The following CHST15 variants were observed in gnomAD, a reference collection of about 807,000 sequenced individuals.
CHST15 encodes the protein B cell RAG associated protein (GALNAC4S-6ST).
CHST15 carries 30 observed loss-of-function variants against 53.6 expected under a neutral mutation model. The ratio of observed to expected loss-of-function variants is 0.56; its 90% CI spans 0.42 to 0.76. The LOEUF (loss-of-function observed/expected upper bound fraction) is 0.76. Ranked by LOEUF, CHST15 falls within the 30% of genes least tolerant of loss-of-function variation. The pLI is 0.00. For synonymous variants in CHST15, 296 were observed against 289.8 expected, an observed-to-expected ratio of 1.02 and a Z score of -0.22; for missense variants, 627 against 740.5, an observed-to-expected ratio of 0.85 and a Z score of 1.78.
chr10:124,033,570 C>T (rs1947308895), intron 5 of CHST15, among the ~76,000 whole-genome samples: 1 of 152,248 alleles, frequency 6.6e-6, no homozygotes, highest in Admixed American at 6.5e-5. Flanking sequence ...GGATTTCACA[C>T]TCATGACTAG....
chr10:124,068,745 C>T (rs28479773), intron 1 of CHST15, among the ~76,000 whole-genome samples: 4,195 of 152,152 alleles, frequency 0.028, 265 homozygotes, highest in East Asian at 0.21. Context: ...TCATCACCTG[C>T]CTTAATATCC....
intron 3 of CHST15, among the ~76,000 whole-genome samples, chr10:124,042,843 C>G (rs1463148068): frequency 6.6e-6 from 1 of 152,092 alleles, no homozygotes; most frequent in African/African-American, 2.4e-5. Context: ...TTGTGTCAAA[C>G]AGGGAGAGAG....
chr10:124,028,339 G>A (rs755195652), intron 5 of CHST15, among the ~76,000 whole-genome samples: 25 of 152,144 alleles, frequency 1.6e-4, no homozygotes, highest in Admixed American at 4.6e-4. Context: ...GTTGTTCATC[G>A]GCCTGGCCTC....
intron 1 of CHST15, among the ~76,000 whole-genome samples, chr10:124,057,546 G>C (rs1014074171): frequency 3.3e-5 from 5 of 152,168 alleles, no homozygotes; most frequent in Admixed American, 6.5e-5. Context: ...TGAACAGCCT[G>C]GGTCCTCTGG....
In CHST15 at chr10:124,054,254, C is replaced by T. The variant is rs893911570; in HGVS notation, c.-512-7530G>A. The stretch of plus-strand genomic sequence containing the variant: ...CACATCACCCGTGCTTTGTCTAAAA[C>T]AGGTATTCTCAAACCACAACCTGAG... On this transcript the variant is annotated intron_variant, in intron 1 of 7. Coordinates refer to ENST00000435907, the MANE Select transcript of CHST15 (RefSeq NM_001270764.2). 3.3e-5 allele frequency among the ~76,000 whole-genome samples: 5 copies of T among 152,228 alleles called. No individual in the cohort carries two copies. In the East Asian group the frequency reaches 9.6e-4, roughly 29 times the overall value.
At chr10:124,038,850 C>T (rs568908258) in intron 4 of CHST15, among the ~76,000 whole-genome samples, 179 bp from the exon 5 acceptor site, 1 of 152,038 alleles carries the variant, frequency 6.6e-6, no homozygotes, top group Admixed American at 6.5e-5. Context: ...ATGCCCCCCC[C>T]TGCCACAGCC....
chr10:124,075,502 G>A (rs961409230), intron 1 of CHST15, among the ~76,000 whole-genome samples: 2 of 152,168 alleles, frequency 1.3e-5, no homozygotes, highest in South Asian at 2.1e-4. Flanking sequence ...TGTACAAACC[G>A]AGGACAAAGG....
chr10:124,027,763 G>T (rs1013443326), intron 5 of CHST15, among the ~76,000 whole-genome samples: 1 of 152,206 alleles, frequency 6.6e-6, no homozygotes, highest in African/African-American at 2.4e-5. Flanking sequence ...ACACTAGAGA[G>T]GTTAAGGAGT....
rs1012351695 is a variant in CHST15, at chr10:124,073,863, C to T, written c.-513+19606G>A. Among the ~76,000 whole-genome samples the T allele has an allele frequency of 5.9e-5, 9 of 152,164 alleles. No homozygotes were observed. The South Asian group carries it at 6.2e-4, about 11-fold the overall frequency. On this transcript the variant is annotated intron_variant, in intron 1 of 7. Transcript: ENST00000435907. ...TTTTACGACCCGCCTCTCAGTCAGA[C>T]GGCTAATGACCTCCAGTTGCCAGGT... is the stretch of plus-strand genomic sequence containing the variant.
intron 6 of CHST15, 99 bp downstream of exon 6, chr10:124,021,157 G>A (rs772184187): frequency 5.3e-6 from 8 of 1,510,000 alleles, no homozygotes; most frequent in Non-Finnish European, 7.1e-6. Context: ...CTGTTCCTAT[G>A]CTGAAACGCA....
rs569165444 is a variant in CHST15 at position 124,036,044 on chromosome 10, G to C, written c.1190+2471C>G. On this transcript the variant is annotated intron_variant, in intron 5 of 7. Coordinates refer to ENST00000435907, the MANE Select transcript of CHST15 (RefSeq NM_001270764.2). The surrounding 1 kb of genome is among the most constrained non-coding windows in gnomAD (Gnocchi z 5.1). ...CTCTCGGCCCCTGAGGTTAAGGCGT[G>C]GTCTGACCTTTCTCAGAATGAGGAA... is the stretch of plus-strand genomic sequence containing the variant. Among the ~76,000 whole-genome samples, 1 of 152,348 alleles carries C rather than the reference G, an allele frequency of 6.6e-6. No individual in the cohort carries two copies. The highest frequency in any genetic ancestry group is 2.4e-5 in the African/African-American group (1 of 41,582).
chr10:124,009,113 G>C lies in CHST15; in HGVS notation c.*1036C>G. ...ATGTGGAAATAAACTATTTCCAATG[G>C]GAAGGCAGAGAAATGGAGCCTGTAG... On this transcript the variant is annotated 3_prime_UTR_variant, in exon 8 of 8. Coordinates refer to ENST00000435907, the MANE Select transcript of CHST15 (RefSeq NM_001270764.2). The C allele has an allele frequency of 1.6e-6, 2 of 1,256,606 alleles. No individual in the cohort carries two copies. Among genetic ancestry groups the C allele is most frequent in the Non-Finnish European group, 2.1e-6 (2 of 964,168 alleles). 77.8% of individuals were successfully genotyped at this position (1,256,606 alleles called of 1,614,324 possible). A position where few individuals can be genotyped will look rare whatever the true frequency, so the allele number is the denominator to read the frequency against.
intron 3 of CHST15, 33 bp downstream of exon 3, chr10:124,044,547 G>T (rs373791789): frequency 1.4e-6 from 2 of 1,451,494 alleles, no homozygotes; most frequent in Non-Finnish European, 1.8e-6. Flanking sequence ...GAAGGAACGA[G>T]ACCAGACAGG....
intron 7 of CHST15, among the ~76,000 whole-genome samples, 192 bp downstream of exon 7, chr10:124,012,141 G>A (rs1478663701): frequency 3.3e-5 from 5 of 152,102 alleles, no homozygotes; most frequent in African/African-American, 9.7e-5. Flanking sequence ...TCACCATACT[G>A]TGCACAATGA....
chr10:124,065,633 T>C lies in CHST15; in HGVS notation c.-512-18909A>G, dbSNP rs551615773. Among the ~76,000 whole-genome samples the C allele has an allele frequency of 3.9e-5, 6 of 152,152 alleles. No homozygotes were observed. In the South Asian group the frequency reaches 1.2e-3, roughly 32 times the overall value. On this transcript the variant is annotated intron_variant, in intron 1 of 7. Coordinates refer to ENST00000435907, the MANE Select transcript of CHST15 (RefSeq NM_001270764.2). ...CTGCTGGGAGCAGACACAAGGGTGA[T>C]TCTGCGGGCCCCATTACGGCAGCTC...
At chr10:124,087,002 C>T (rs1187100739) in intron 1 of CHST15, among the ~76,000 whole-genome samples, 2 of 152,152 alleles carry the variant, frequency 1.3e-5, no homozygotes, top group East Asian at 1.9e-4. Flanking sequence ...GTGTCACGGG[C>T]GCCAAATATT....
At chr10:124,042,252 G>C in intron 4 of CHST15, 49 bp downstream of exon 4, 1 of 1,565,742 alleles carries the variant, frequency 6.4e-7, no homozygotes. Flanking sequence ...GCCAGAGCCA[G>C]GACCCCAGGG....
At chr10:124,089,974 C>T (rs974078533) in intron 1 of CHST15, among the ~76,000 whole-genome samples, 1 of 152,172 alleles carries the variant, frequency 6.6e-6, no homozygotes, top group Non-Finnish European at 1.5e-5. Flanking sequence ...GCTGAATGAA[C>T]ACATGGCACA....
Position 124,044,806 on chromosome 10 carries a change from G to T in CHST15, c.660C>A (p.Leu220=). The T allele has an allele frequency of 2.5e-6, 4 of 1,596,072 alleles. No homozygotes were observed. Among genetic ancestry groups the T allele is most frequent in the Non-Finnish European group, 3.4e-6 (4 of 1,169,246 alleles). The part of the protein sequence containing the change: ...TDPYLTNSYV[L]YSKRFRSTFD... ...AGGTGGAGCGGAAGCGCTTGGAGTAGAGCACGTAGGAGTTGGTGAGGTAGG... is the reference window on the plus strand; with the variant it reads ...AGGTGGAGCGGAAGCGCTTGGAGTATAGCACGTAGGAGTTGGTGAGGTAGG... Residue 220 remains leucine (L), a synonymous_variant, in exon 3 of 8, where the codon CTC becomes CTA. Transcript: ENST00000435907.
Sources: allele counts gnomAD v4.1 joint callset (sites outside exome capture counted in the v4.1 genomes callset), GRCh38; gene constraint gnomAD v4.1.1; non-coding constraint Gnocchi (gnomAD v3.1); transcripts MANE v1.5; gene names NCBI Gene and HGNC (gene_info 2026-07-23, HGNC 2026-07-21).